Variants in NDUFB6 observed in about 807,000 individuals in gnomAD.
The protein encoded by NDUFB6 is NADH:ubiquinone oxidoreductase subunit B6.
A neutral mutation model predicts 17.5 loss-of-function variants in NDUFB6; 23 were observed. The ratio of observed to expected loss-of-function variants is 1.31; its 90% confidence interval spans 0.94 to 1.86. The LOEUF (loss-of-function observed/expected upper bound fraction) is 1.86, where lower values mean the gene tolerates loss of function less well. Among genes scored for constraint, NDUFB6 ranks in the 40% most tolerant of loss-of-function variants. NDUFB6 has a pLI of 0.00. For synonymous variants in NDUFB6, 60 were observed against 53.5 expected, an observed-to-expected ratio of 1.12 and a Z score of -0.53; for missense variants, 167 against 153.8, an observed-to-expected ratio of 1.09 and a Z score of -0.46.
At chr9:32,566,871 C>T (rs887688409) in intron 2 of NDUFB6, 3 of 651,724 alleles carry the variant, frequency 4.6e-6, no homozygotes, top group African/African-American at 5.5e-5. Context: ...GGATGAGCCA[C>T]GCGTGCGGCT....
intron 3 of NDUFB6, among the ~76,000 whole-genome samples, chr9:32,554,890 T>C (rs1226478683): frequency 6.6e-6 from 1 of 152,180 alleles, no homozygotes; most frequent in Non-Finnish European, 1.5e-5. Context: ...GGAAGCTGAC[T>C]GCCTAATGAA....
chr9:32,568,628 C>T (rs1247834713), intron 2 of NDUFB6: 1 of 169,604 alleles, frequency 5.9e-6, no homozygotes, highest in East Asian at 1.8e-4. Context: ...TGGCAAACCT[C>T]AGTGTTGTCT....
intron 3 of NDUFB6, among the ~76,000 whole-genome samples, chr9:32,557,893 G>C (rs765288989): frequency 5.9e-5 from 9 of 152,166 alleles, no homozygotes; most frequent in Non-Finnish European, 1.3e-4. Context: ...TAAGTCATTT[G>C]ATTAAAGCAA....
rs924013379 is a variant in NDUFB6 at position 32,559,022 on chromosome 9, C to A, written c.274-68G>T. On this transcript the variant is annotated intron_variant, in intron 2 of 3. Transcript: ENST00000379847. ...TTTCTTCTGAAAATAAGAAATAGGT[C>A]ATACCCCAAATTTTAACTTAAGCTC... 5 of 1,134,404 alleles carry A rather than the reference C, an allele frequency of 4.4e-6. No individual in the cohort carries two copies. The Admixed American group carries it at 8.4e-5, about 19-fold the overall frequency. 70.3% of individuals were successfully genotyped at this position (1,134,404 alleles called of 1,614,324 possible).
At chr9:32,565,780 C>T (rs554002233) in intron 2 of NDUFB6, among the ~76,000 whole-genome samples, 2 of 151,960 alleles carry the variant, frequency 1.3e-5, no homozygotes, top group South Asian at 2.1e-4. Flanking sequence ...GAGACCAGGC[C>T]GACCAACATG....
intron 2 of NDUFB6, chr9:32,567,615 A>G (rs950769934): frequency 2.2e-5 from 8 of 367,214 alleles, no homozygotes; most frequent in Non-Finnish European, 2.3e-5. Context: ...GTGAGCCACC[A>G]TGCCTGGCCT....
intron 2 of NDUFB6, among the ~76,000 whole-genome samples, chr9:32,565,196 G>A (rs1193440516): frequency 6.6e-6 from 1 of 152,090 alleles, no homozygotes; most frequent in East Asian, 1.9e-4. Context: ...GGTAGGCTGA[G>A]GCAGGAGAAT....
intron 2 of NDUFB6, chr9:32,566,208 G>A: frequency 1.2e-6 from 1 of 807,524 alleles, no homozygotes; most frequent in Non-Finnish European, 2.2e-6. Context: ...TGTAGATTCT[G>A]TTCAGGTCAT....
In NDUFB6 at chr9:32,573,041, T is replaced by C; in HGVS notation, c.20A>G (p.Asp7Gly). The C allele has an allele frequency of 6.3e-7, 1 of 1,592,892 alleles. No homozygotes were observed. The highest frequency in any genetic ancestry group is 8.6e-7 in the Non-Finnish European group (1 of 1,169,100). The change falls in exon 1 of 4, where the codon GAT becomes GGT. Residue 7 changes from aspartate to glycine, a missense_variant. Coordinates refer to ENST00000379847, the MANE Select transcript of NDUFB6 (RefSeq NM_002493.5). ...CAGCTGCTGCAGCCGCAGTTTCTCA[T>C]CCGGAGTGTACCCCGTCATGTCGCC... MTGYTP[D>G]EKLRLQQLRE...
chr9:32,553,603 A>G lies in NDUFB6; in HGVS notation c.*273T>C, dbSNP rs1821366866. On this transcript the variant is annotated 3_prime_UTR_variant, in exon 4 of 4. Coordinates refer to ENST00000379847, the MANE Select transcript of NDUFB6 (RefSeq NM_002493.5). The stretch of plus-strand genomic sequence containing the variant: ...AATTAGTGTAAGTACTGTGTAAGAA[A>G]AAAACAAACAAACATGTAACTAAAT... 5.2e-6 allele frequency: 2 copies of G among 384,714 alleles called. No homozygotes were observed. The highest frequency in any genetic ancestry group is 9.5e-6 in the Non-Finnish European group (2 of 210,048). 23.8% of individuals were successfully genotyped at this position (384,714 alleles called of 1,614,324 possible).
chr9:32,569,281 C>T (rs988148311), intron 2 of NDUFB6, among the ~76,000 whole-genome samples: 3 of 152,134 alleles, frequency 2.0e-5, no homozygotes, highest in Non-Finnish European at 4.4e-5. Flanking sequence ...TGCAGTGGCA[C>T]GATCTCAGCT....
intron 2 of NDUFB6, chr9:32,566,793 A>C: frequency 1.1e-6 from 1 of 915,728 alleles, no homozygotes; most frequent in East Asian, 2.7e-5. Context: ...GACGTTGTAC[A>C]GGAGGTCGGC....
chr9:32,558,871 A>G, intron 3 of NDUFB6, 39 bp downstream of exon 3: 1 of 1,372,708 alleles, frequency 7.3e-7, no homozygotes, highest in Non-Finnish European at 1.0e-6. Context: ...AAAGAGAAAA[A>G]CAATAAACAA....
At chr9:32,562,372 T>A (rs1226865861) in intron 2 of NDUFB6, among the ~76,000 whole-genome samples, 1 of 152,050 alleles carries the variant, frequency 6.6e-6, no homozygotes, top group Admixed American at 6.5e-5. Context: ...AATCAGAATT[T>A]TAAAGAGTCT....
intron 2 of NDUFB6, 37 bp downstream of exon 2, chr9:32,570,923 C>T (rs763810334): frequency 7.1e-7 from 1 of 1,404,944 alleles, no homozygotes; most frequent in South Asian, 1.3e-5. Context: ...TAATTTTGGA[C>T]AATATTAAAA....
intron 3 of NDUFB6, among the ~76,000 whole-genome samples, chr9:32,554,692 T>C (rs1463398147): frequency 6.6e-6 from 1 of 152,240 alleles, no homozygotes; most frequent in Non-Finnish European, 1.5e-5. Flanking sequence ...TATGCCATTA[T>C]ACATTTGGGC....
intron 3 of NDUFB6, among the ~76,000 whole-genome samples, chr9:32,557,238 C>T (rs1821488586): frequency 6.7e-6 from 1 of 149,998 alleles, no homozygotes; most frequent in South Asian, 2.1e-4. Context: ...AAACTCCGCA[C>T]ACTGCAACTT....
chr9:32,570,811 T>C (rs1260489500), intron 2 of NDUFB6, 149 bp downstream of exon 2: 1 of 497,406 alleles, frequency 2.0e-6, no homozygotes, highest in Admixed American at 4.1e-5. Context: ...ATTATGTAAC[T>C]TTCATTAAAC....
chr9:32,567,862 T>C, intron 2 of NDUFB6: 1 of 197,954 alleles, frequency 5.1e-6, no homozygotes, highest in Non-Finnish European at 1.1e-5. Flanking sequence ...ATTAGGCCAA[T>C]TTAATAACAC....
Sources: allele counts gnomAD v4.1 joint callset (sites outside exome capture counted in the v4.1 genomes callset), GRCh38; gene constraint gnomAD v4.1.1; transcripts MANE v1.5; gene names NCBI Gene and HGNC (gene_info 2026-07-23, HGNC 2026-07-21).